Variants in FSTL1 observed in about 807,000 individuals in gnomAD.
FSTL1 encodes follistatin-related protein 1.
A neutral mutation model predicts 45.9 loss-of-function variants in FSTL1; 24 were observed. That is an observed-to-expected ratio of 0.52 (90% CI 0.38 to 0.74). The LOEUF is 0.74. FSTL1 is among the 30% of genes least tolerant of loss of function. The pLI, the probability that FSTL1 is intolerant of heterozygous loss-of-function variation, is 0.00. For missense variants in FSTL1, 340 were observed against 381.8 expected (o/e 0.89, Z 0.91); for synonymous variants, 120 against 137.6 (o/e 0.87, Z 0.89).
At chr3:120,427,993 G>C (rs1473455469) in intron 2 of FSTL1, among the ~76,000 whole-genome samples, 1 of 151,728 alleles carries the variant, frequency 6.6e-6, no homozygotes, top group Non-Finnish European at 1.5e-5. Context: ...CTGTGGAAAT[G>C]GGCTTATTAT....
intron 2 of FSTL1, among the ~76,000 whole-genome samples, chr3:120,447,480 T>G (rs1292829109): frequency 6.6e-6 from 1 of 152,054 alleles, no homozygotes; most frequent in Admixed American, 6.5e-5. Flanking sequence ...CTCAGGTGGA[T>G]GTGGCAGAAT....
At chr3:120,418,059 A>G (rs1228797450) in intron 2 of FSTL1, among the ~76,000 whole-genome samples, 2 of 152,192 alleles carry the variant, frequency 1.3e-5, no homozygotes, top group Non-Finnish European at 2.9e-5. Context: ...TTTAACTTAC[A>G]TTGTTGTTTT....
At chr3:120,426,016 T>G (rs188911152) in intron 2 of FSTL1, among the ~76,000 whole-genome samples, 4 of 152,268 alleles carry the variant, frequency 2.6e-5, no homozygotes, top group Admixed American at 2.6e-4. Context: ...CTAAAGGAAA[T>G]TCACATGCGA....
intron 2 of FSTL1, chr3:120,423,349 G>A (rs1937316868): frequency 1.3e-5 from 2 of 151,776 alleles, no homozygotes; most frequent in South Asian, 2.1e-4. Context: ...TAGCACACTA[G>A]ATGCTTGGTT....
chr3:120,401,289 G>A (rs373243546), intron 9 of FSTL1, among the ~76,000 whole-genome samples: 1 of 152,134 alleles, frequency 6.6e-6, no homozygotes, highest in African/African-American at 2.4e-5. Flanking sequence ...GAACTTGTAG[G>A]AATTTCTAGT....
intron 3 of FSTL1, 170 bp downstream of exon 3, chr3:120,415,753 C>T: frequency 8.1e-6 from 4 of 491,324 alleles, no homozygotes; most frequent in Admixed American, 3.6e-5. Context: ...AAAAAATATC[C>T]ATGCTTTAAA....
chr3:120,425,638 G>C (rs1937363034), intron 2 of FSTL1, among the ~76,000 whole-genome samples: 1 of 152,138 alleles, frequency 6.6e-6, no homozygotes, highest in Non-Finnish European at 1.5e-5. Flanking sequence ...AGAAAGCTCA[G>C]GAATTTACCA....
In FSTL1 at chr3:120,415,978, G is replaced by A. The variant is rs879101555; in HGVS notation, c.113C>T (p.Ala38Val). The change falls in exon 3 of 11, where the codon GCC (alanine) becomes GTC (valine). Residue 38 changes from alanine (A) to valine (V), a missense_variant. Physicochemically the swap from Ala to Val is moderately conservative, Grantham distance 64 (BLOSUM62 0). Transcript: ENST00000295633. The stretch of plus-strand genomic sequence containing the variant: ...CTCTGTGACTGCACATTCCCGGCCG[G>A]CTCCACAAAACACATTGGCACAGAT... ...SKICANVFCG[A>V]GRECAVTEKG... 3.7e-6 allele frequency: 6 copies of A among 1,613,816 alleles called. No homozygotes were observed. In the African/African-American group the frequency reaches 6.7e-5, roughly 18 times the overall value.
chr3:120,431,267 G>A (rs1271865706), intron 2 of FSTL1, among the ~76,000 whole-genome samples: 4 of 151,662 alleles, frequency 2.6e-5, no homozygotes, highest in South Asian at 2.1e-4. Context: ...CACCGCACCC[G>A]GCCTCTGGAA....
chr3:120,396,952 T>G lies in FSTL1; in HGVS notation c.927A>C (p.Ter309TyrextTer1), dbSNP rs763255622. Residue 309 changes from the stop codon to tyrosine, a stop_lost, in exon 11 of 11, where the codon TAA (stop) becomes TAC (tyrosine). Transcript: ENST00000295633. Reference sequence around the variant, plus strand: ...CCAGACACTGGTCTGTGCCTCCTCATTAGATCTCTTTGGTGCTCACTCTCT... The same window carrying G: ...CCAGACACTGGTCTGTGCCTCCTCAGTAGATCTCTTTGGTGCTCACTCTCT... Reference protein sequence around the residue: ...KTKRVSTKEI* With the variant: ...KTKRVSTKEIY The G allele has an allele frequency of 1.4e-5, 22 of 1,609,022 alleles. No homozygotes were observed. The East Asian group carries it at 4.5e-4, about 33-fold the overall frequency.
At chr3:120,427,356 T>C (rs1451277997) in intron 2 of FSTL1, among the ~76,000 whole-genome samples, 1 of 152,240 alleles carries the variant, frequency 6.6e-6, no homozygotes, top group Non-Finnish European at 1.5e-5. Context: ...CTGGCTGAAC[T>C]ACAAGCTCCT....
At chr3:120,450,480 T>C (rs1385512073) in intron 2 of FSTL1, among the ~76,000 whole-genome samples, 1 of 152,146 alleles carries the variant, frequency 6.6e-6, no homozygotes, top group African/African-American at 2.4e-5. Context: ...GGCTCCCGCT[T>C]ACGGCCCGAA....
At chr3:120,431,992 A>G (rs921158126) in intron 2 of FSTL1, among the ~76,000 whole-genome samples, 2 of 152,148 alleles carry the variant, frequency 1.3e-5, no homozygotes, top group African/African-American at 4.8e-5. Context: ...GAAAGGTAAA[A>G]TGTTTGGTAC....
At position 120,395,575 on chromosome 3, in the gene FSTL1, A is replaced by G; in HGVS notation, c.*1377T>C. On this transcript the variant is annotated 3_prime_UTR_variant, in exon 11 of 11. Coordinates refer to ENST00000295633, the MANE Select transcript of FSTL1 (RefSeq NM_007085.5). ...CCTGCTTTACCCATGAGGACTCCAT[A>G]TCATAGCACGACCTGTAGGGTCATC... 2 of 487,012 alleles carry G rather than the reference A, an allele frequency of 4.1e-6. No homozygotes were observed. The highest frequency in any genetic ancestry group is 3.0e-5 in the South Asian group (2 of 66,274). 30.2% of individuals were successfully genotyped at this position (487,012 alleles called of 1,614,324 possible).
intron 2 of FSTL1, among the ~76,000 whole-genome samples, chr3:120,442,738 G>A (rs906097512): frequency 2.1e-5 from 3 of 141,394 alleles, no homozygotes; most frequent in Admixed American, 7.6e-5. Context: ...AGCCGAGATC[G>A]CACCACTGTG....
rs1040785805 is a variant in FSTL1, at chr3:120,393,811, T to C, written c.*3141A>G. On this transcript the variant is annotated 3_prime_UTR_variant, in exon 11 of 11. Coordinates refer to ENST00000295633, the MANE Select transcript of FSTL1 (RefSeq NM_007085.5). ...AGTTTAACCCTCATGAATGGGTAAG[T>C]GCCCTTATAAAAGAGGCCTAAGGGA... 3 of 152,184 alleles carry C rather than the reference T, an allele frequency of 2.0e-5. No individual in the cohort carries two copies. Among genetic ancestry groups the C allele is most frequent in the Non-Finnish European group, 4.4e-5 (3 of 68,030 alleles). The allele number at this position is 152,184 out of a possible 1,614,324, so 9.4% of individuals were successfully genotyped here.
At chr3:120,421,285 T>C (rs1937275478) in intron 2 of FSTL1, 1 of 152,246 alleles carries the variant, frequency 6.6e-6, no homozygotes, top group Non-Finnish European at 1.5e-5. Flanking sequence ...GCTCTACTTA[T>C]GCCAAGGTGG....
At chr3:120,429,118 G>A (rs772911537) in intron 2 of FSTL1, among the ~76,000 whole-genome samples, 3 of 152,322 alleles carry the variant, frequency 2.0e-5, no homozygotes, top group Admixed American at 6.5e-5. Flanking sequence ...GCTTGCCCAC[G>A]CCCAGGCTCT....
At chr3:120,404,498 C>T (rs1936908080) in intron 7 of FSTL1, among the ~76,000 whole-genome samples, 2 of 152,164 alleles carry the variant, frequency 1.3e-5, no homozygotes, top group African/African-American at 2.4e-5. Flanking sequence ...CTATTTTAGA[C>T]CTATAGTTAA....
Sources: allele counts gnomAD v4.1 joint callset (sites outside exome capture counted in the v4.1 genomes callset), GRCh38; gene constraint gnomAD v4.1.1; transcripts MANE v1.5; gene names NCBI Gene and HGNC (gene_info 2026-07-23, HGNC 2026-07-21).